The following CYP27C1 variants were observed in gnomAD, a reference collection of about 807,000 sequenced individuals.
CYP27C1 encodes cytochrome P450 27C1.
CYP27C1 carries 29 observed loss-of-function variants against 40.6 expected under a neutral mutation model. The observed-to-expected ratio is 0.71, with a 90% confidence interval of 0.53 to 0.97. The LOEUF is 0.97. CYP27C1 is among the 50% of genes least tolerant of loss of function. The pLI, the probability that CYP27C1 is intolerant of heterozygous loss-of-function variation, is 0.00. For synonymous variants in CYP27C1, 198 were observed against 186.8 expected (o/e 1.06, Z -0.49); for missense variants, 390 against 485.8 (o/e 0.80, Z 1.85).
chr2:127,186,360 T>C lies in CYP27C1; in HGVS notation c.*911A>G, dbSNP rs1682623801. ...ACTCGTTGTGGAGAGAAAAGTATTC[T>C]TATACAGCCATTTTATTTTATTTTA... On this transcript the variant is annotated 3_prime_UTR_variant, in exon 9 of 9. Transcript: ENST00000664447. This position sits in a 1 kb window ranked among gnomAD's most constrained non-coding sequence, Gnocchi z 4.5. The C allele has an allele frequency of 6.7e-6, 1 of 148,530 alleles. No individual in the cohort carries two copies. Among genetic ancestry groups the C allele is most frequent in the Non-Finnish European group, 1.5e-5 (1 of 66,974 alleles). 9.2% of individuals were successfully genotyped at this position (148,530 alleles called of 1,614,324 possible). A position where few individuals can be genotyped will look rare whatever the true frequency, so the allele number is the denominator to read the frequency against.
At chr2:127,187,797 C>T (rs539105739) in intron 8 of CYP27C1, among the ~76,000 whole-genome samples, 1 of 152,308 alleles carries the variant, frequency 6.6e-6, no homozygotes, top group African/African-American at 2.4e-5. Flanking sequence ...TCTGAAACTG[C>T]AGACACTTCA....
At chr2:127,213,820 T>A (rs766113232) in intron 1 of CYP27C1, among the ~76,000 whole-genome samples, 1 of 151,970 alleles carries the variant, frequency 6.6e-6, no homozygotes, top group Non-Finnish European at 1.5e-5. Flanking sequence ...ACAACTAGAA[T>A]CAAATTAAAG....
rs1220024513 is a variant in CYP27C1 at position 127,204,282 on chromosome 2, AAGAG to A, written c.474-715_474-712del. The stretch of plus-strand genomic sequence containing the variant: ...CTCCATCTCAAAAAAAAAAGAAAGA[AAGAG>A]AGAGAGAGAGAGAGAAAAGGAAGGA... On this transcript the variant is annotated intron_variant, in intron 2 of 8. Transcript: ENST00000664447. 1.6e-3 allele frequency among the ~76,000 whole-genome samples: 179 copies of A among 109,324 alleles called. 3 individuals are homozygous for A. The highest frequency in any genetic ancestry group is 5.8e-3 in the African/African-American group (153 of 26,474). The allele number at this position is 109,324 out of a possible 152,430, so 71.7% of individuals were successfully genotyped here.
intron 8 of CYP27C1, among the ~76,000 whole-genome samples, chr2:127,191,196 G>T (rs1397878800): frequency 2.0e-5 from 3 of 151,972 alleles, no homozygotes; most frequent in Non-Finnish European, 4.4e-5. Flanking sequence ...GCAGTGAGCC[G>T]ATTGCACCAC....
At chr2:127,204,559 A>AGAGAG (rs1558931398) in intron 2 of CYP27C1, among the ~76,000 whole-genome samples, 9 of 36,538 alleles carry the variant, frequency 2.5e-4, no homozygotes, top group Middle Eastern at 0.018. Flanking sequence ...GAGAGAGAGA[A>AGAGAG]AGAAAGAAAG....
chr2:127,203,578 G>T lies in CYP27C1; in HGVS notation c.474-7C>A. ...GAGCCACTGTTCACCCTCCCTAGAAGAATCAAGTGAGTTTCAAATCATCTT... is the reference window on the plus strand; with the variant it reads ...GAGCCACTGTTCACCCTCCCTAGAATAATCAAGTGAGTTTCAAATCATCTT... On this transcript the variant is annotated splice_polypyrimidine_tract_variant and splice_region_variant and intron_variant, in intron 2 of 8. Coordinates refer to ENST00000664447, the MANE Select transcript of CYP27C1 (RefSeq NM_001367502.1). 1 of 1,603,852 alleles carries T rather than the reference G, an allele frequency of 6.2e-7. No individual in the cohort carries two copies. The highest frequency in any genetic ancestry group is 8.5e-7 in the Non-Finnish European group (1 of 1,177,650).
chr2:127,203,403 G>A lies in CYP27C1; in HGVS notation c.642C>T (p.Val214=). 1 of 1,613,356 alleles carries A rather than the reference G, an allele frequency of 6.2e-7. No homozygotes were observed. The highest frequency in any genetic ancestry group is 8.5e-7 in the Non-Finnish European group (1 of 1,179,884). The part of the protein sequence containing the change: ...QAEDGETVTN[V]NDLFFKYSME... ...TTGAATATTTGAAGAAAAGATCATT[G>A]ACATTGGTCACGGTTTCTCCATCTT... is the stretch of plus-strand genomic sequence containing the variant. Residue 214 remains valine (V), a synonymous_variant, in exon 3 of 9, where the codon GTC becomes GTT. Coordinates refer to ENST00000664447, the MANE Select transcript of CYP27C1 (RefSeq NM_001367502.1).
At chr2:127,211,527 C>T (rs932864555) in intron 1 of CYP27C1, among the ~76,000 whole-genome samples, 7 of 151,840 alleles carry the variant, frequency 4.6e-5, no homozygotes, top group Middle Eastern at 3.4e-3. Flanking sequence ...GGACTACAGG[C>T]GCCCGCTACC....
rs985313223 is a variant in CYP27C1, at chr2:127,184,300, T to C, written c.*2971A>G. On this transcript the variant is annotated 3_prime_UTR_variant, in exon 9 of 9. Transcript: ENST00000664447. Reference sequence around the variant, plus strand: ...TATCTCTTAAATGTCTTTTTACAAGTGGTTTATTTGAATCTGATTCAAACG... The same window carrying C: ...TATCTCTTAAATGTCTTTTTACAAGCGGTTTATTTGAATCTGATTCAAACG... 2.0e-5 allele frequency: 3 copies of C among 152,210 alleles called. No homozygotes were observed. Among genetic ancestry groups the C allele is most frequent in the African/African-American group, 7.2e-5 (3 of 41,440 alleles). The allele number at this position is 152,210 out of a possible 1,614,324, so 9.4% of individuals were successfully genotyped here. A position where few individuals can be genotyped will look rare whatever the true frequency, so the allele number is the denominator to read the frequency against.
At position 127,218,900 on chromosome 2, in the gene CYP27C1, C is replaced by T. The variant is rs959793096; in HGVS notation, c.282+1089G>A. ...CGGCTCGGGTGCAGTGCCCCTGCCA[C>T]GAAGGGCGCAACGGAGGTGGGCGTG... On this transcript the variant is annotated intron_variant, in intron 1 of 8. Transcript: ENST00000664447. The surrounding 1 kb of genome is among the most constrained non-coding windows in gnomAD (Gnocchi z 6.0). Among the ~76,000 whole-genome samples the T allele has an allele frequency of 2.0e-5, 3 of 152,196 alleles. No individual in the cohort carries two copies. Among genetic ancestry groups the T allele is most frequent in the Non-Finnish European group, 2.9e-5 (2 of 68,022 alleles).
Position 127,193,791 on chromosome 2 carries a change from C to A in CYP27C1, c.1291G>T (p.Gly431Cys). Residue 431 changes from glycine to cysteine, a missense_variant and splice_region_variant, in exon 7 of 9, where the codon GGC becomes TGC. Transcript: ENST00000664447. ...LVIGGYLIPK[G>C]TQLALCHYAT... ...CACCCCCATGGCCCCAAACTCACGC[C>A]TTTCGGAATCAGATACCCGCCAATA... is the stretch of plus-strand genomic sequence containing the variant. 6.2e-7 allele frequency: 1 copy of A among 1,614,200 alleles called. No homozygotes were observed. The highest frequency in any genetic ancestry group is 8.5e-7 in the Non-Finnish European group (1 of 1,180,032).
rs1462898219 is a variant in CYP27C1, at chr2:127,208,113, AGTG to A, written c.283-2026_283-2024del. Reference sequence around the variant, plus strand: ...GGGGCCAAGATGGCCAACTAGAAGCAGTGGTGCTCAGAGGCTCCCATCAAAAAA... The same window carrying A: ...GGGGCCAAGATGGCCAACTAGAAGCAGTGCTCAGAGGCTCCCATCAAAAAA... On this transcript the variant is annotated intron_variant, in intron 1 of 8. Coordinates refer to ENST00000664447, the MANE Select transcript of CYP27C1 (RefSeq NM_001367502.1). This position sits in a 1 kb window ranked among gnomAD's most constrained non-coding sequence, Gnocchi z 5.2. Among the ~76,000 whole-genome samples, 1 of 152,232 alleles carries A rather than the reference AGTG, an allele frequency of 6.6e-6. No individual in the cohort carries two copies. Among genetic ancestry groups the A allele is most frequent in the Non-Finnish European group, 1.5e-5 (1 of 68,038 alleles).
chr2:127,190,422 A>C (rs1450663307), intron 8 of CYP27C1, among the ~76,000 whole-genome samples: 19 of 140,208 alleles, frequency 1.4e-4, no homozygotes, highest in Admixed American at 4.7e-4. Flanking sequence ...AGCTCACTGC[A>C]ACCTCTGCCT....
intron 1 of CYP27C1, among the ~76,000 whole-genome samples, chr2:127,215,011 C>G (rs1250665867): frequency 6.6e-6 from 1 of 151,572 alleles, no homozygotes; most frequent in African/African-American, 2.4e-5. Flanking sequence ...CGCCTGTAGT[C>G]CCAGCTACTC....
rs1212219663 is a variant in CYP27C1 at position 127,193,312 on chromosome 2, G to C, written c.1294-15C>G. On this transcript the variant is annotated splice_polypyrimidine_tract_variant and intron_variant, in intron 7 of 8. Transcript: ENST00000664447. ...GCCAGCTGGGTCTGAGGAAATCAGG[G>C]ATGACAGAAAAGGGAAAAGGGGCAG... The C allele has an allele frequency of 7.4e-6, 12 of 1,613,930 alleles. No homozygotes were observed. The highest frequency in any genetic ancestry group is 1.0e-5 in the Non-Finnish European group (12 of 1,179,946).
chr2:127,216,327 G>A (rs551181926), intron 1 of CYP27C1, among the ~76,000 whole-genome samples: 4 of 152,104 alleles, frequency 2.6e-5, no homozygotes, highest in South Asian at 2.1e-4. Context: ...AGCAAAATGT[G>A]GTATAGTCAT....
chr2:127,214,051 A>C (rs1393074167), intron 1 of CYP27C1, among the ~76,000 whole-genome samples: 1 of 152,208 alleles, frequency 6.6e-6, no homozygotes, highest in Non-Finnish European at 1.5e-5. Context: ...GACAACAAAC[A>C]TGAAAAAAAG....
chr2:127,198,438 T>C (rs959097103), intron 5 of CYP27C1, among the ~76,000 whole-genome samples: 1 of 152,208 alleles, frequency 6.6e-6, no homozygotes, highest in African/African-American at 2.4e-5. Context: ...AATGACAAAA[T>C]GTTTACAAAT....
intron 6 of CYP27C1, 23 bp from the exon 7 acceptor site, chr2:127,193,890 G>C (rs759423095): frequency 6.2e-7 from 1 of 1,613,572 alleles, no homozygotes; most frequent in South Asian, 1.1e-5. Flanking sequence ...CAGCGGGGAC[G>C]GGAATGGCGT....
Sources: gnomAD v4.1 joint callset for allele counts (sites outside exome capture counted in the v4.1 genomes callset) on GRCh38, gnomAD v4.1.1 for gene constraint, Gnocchi (gnomAD v3.1) non-coding constraint, MANE v1.5 for transcripts, NCBI Gene and HGNC (gene_info 2026-07-23, HGNC 2026-07-21) for gene names.